The following PIEZO1 variants were observed in gnomAD, a reference collection of about 807,000 sequenced individuals.
The protein encoded by PIEZO1 is piezo type mechanosensitive ion channel component 1 (Er blood group), also known as piezo-type mechanosensitive ion channel component 1.
In PIEZO1, 296 loss-of-function variants were observed where a neutral mutation model predicts 297.2. The observed-to-expected ratio is 1.00, with a 90% CI of 0.91 to 1.10. The LOEUF is 1.10. PIEZO1 is among the 50% of genes least tolerant of loss of function. PIEZO1 has a pLI of 0.00. For synonymous variants in PIEZO1, 2,427 were observed against 1,507.5 expected, an observed-to-expected ratio of 1.61 and a Z score of -14.13; for missense variants, 5,018 against 3,455.5, an observed-to-expected ratio of 1.45 and a Z score of -11.34.
intron 5 of PIEZO1, chr16:88,741,277 C>T (rs995478943): frequency 3.8e-6 from 2 of 528,982 alleles, no homozygotes; most frequent in Non-Finnish European, 6.7e-6. Context: ...AGAGGCAGAG[C>T]CCGAGTAGAA....
Position 88,715,781 on chromosome 16 carries a change from G to A in PIEZO1, c.7390C>T (p.His2464Tyr), listed in dbSNP as rs1314330834. The A allele has an allele frequency of 2.6e-6, 4 of 1,550,374 alleles. No homozygotes were observed. Among genetic ancestry groups the A allele is most frequent in the African/African-American group, 1.4e-5 (1 of 73,180 alleles). The change falls in exon 51 of 51, where the codon CAC (histidine) becomes TAC (tyrosine). Residue 2464 changes from histidine to tyrosine, a missense_variant. Transcript: ENST00000301015. ...GGCAGCTCCTCGAACATAATGGAGT[G>A]CGAGATCTCGCTGAAGAATCCGCGC... ...FVRGFFSEIS[H>Y]SIMFEELPCV... is the part of the protein sequence containing the mutation.
intron 1 of PIEZO1, among the ~76,000 whole-genome samples, chr16:88,774,323 G>A (rs1907560172): frequency 6.6e-6 from 1 of 152,238 alleles, no homozygotes; most frequent in South Asian, 2.1e-4. Flanking sequence ...CCCGGGAGGC[G>A]GAGTTTGCGA....
intron 1 of PIEZO1, among the ~76,000 whole-genome samples, chr16:88,773,732 A>G (rs1309722994): frequency 6.6e-6 from 1 of 151,404 alleles, no homozygotes; most frequent in Non-Finnish European, 1.5e-5. Flanking sequence ...ACTGGGTGAC[A>G]GGCAGGTCGG....
chr16:88,778,127 G>A (rs1907752980), intron 1 of PIEZO1, among the ~76,000 whole-genome samples: 3 of 152,202 alleles, frequency 2.0e-5, no homozygotes, highest in Admixed American at 2.0e-4. Context: ...CCAGCACTGC[G>A]GGGGTCCAGG....
chr16:88,726,017 G>C, intron 27 of PIEZO1: 1 of 570,042 alleles, frequency 1.8e-6, no homozygotes, highest in South Asian at 2.2e-5. Flanking sequence ...GAGAAACTTA[G>C]CCCTTAGTGG....
At position 88,736,324 on chromosome 16, in the gene PIEZO1, G is replaced by T. The variant is rs776709730; in HGVS notation, c.1381C>A (p.Gln461Lys). 6.5e-7 allele frequency: 1 copy of T among 1,550,098 alleles called. No homozygotes were observed. The highest frequency in any genetic ancestry group is 8.7e-7 in the Non-Finnish European group (1 of 1,146,780). ...CLIWTVRSRH[Q>K]LAMLCSPCIL... is the part of the protein sequence containing the mutation. ...CAGGGCGAGCACAGCATGGCCAGTTGGTGGCGGCTGCGCACCGTCCAGATG... is the reference window on the plus strand; with the variant it reads ...CAGGGCGAGCACAGCATGGCCAGTTTGTGGCGGCTGCGCACCGTCCAGATG... The change falls in exon 12 of 51, where the codon CAA becomes AAA. Residue 461 changes from glutamine (Q) to lysine (K), a missense_variant. Physicochemically the swap from Gln to Lys is moderately conservative, Grantham distance 53. Coordinates refer to ENST00000301015, the MANE Select transcript of PIEZO1 (RefSeq NM_001142864.4).
chr16:88,736,770 A>G, intron 10 of PIEZO1, 31 bp from the exon 11 acceptor site: 2 of 1,396,054 alleles, frequency 1.4e-6, no homozygotes, highest in Non-Finnish European at 1.9e-6. Flanking sequence ...CAGCTTCGGC[A>G]GGTTGATCTG....
chr16:88,737,821 A>G lies in PIEZO1; in HGVS notation c.1021-7T>C, dbSNP rs1905343303. On this transcript the variant is annotated splice_polypyrimidine_tract_variant and splice_region_variant and intron_variant, in intron 8 of 50. Coordinates refer to ENST00000301015, the MANE Select transcript of PIEZO1 (RefSeq NM_001142864.4). The stretch of plus-strand genomic sequence containing the variant: ...CCTTTGCCGCCTCCTTCCTCTGCAG[A>G]GACCAGCGTCTTGAGCCCAAACCAG... The G allele has an allele frequency of 2.0e-6, 3 of 1,535,706 alleles. No homozygotes were observed. The highest frequency in any genetic ancestry group is 1.4e-5 in the African/African-American group (1 of 73,146).
chr16:88,716,936 G>A (rs772858668), intron 45 of PIEZO1, 38 bp from the exon 46 acceptor site: 1 of 1,544,948 alleles, frequency 6.5e-7, no homozygotes, highest in African/African-American at 1.4e-5. Context: ...ACGAAGATGA[G>A]CGTGGAGGAG....
At chr16:88,736,901 CG>C (rs1905259146) in intron 10 of PIEZO1, 162 bp from the exon 11 acceptor site, 1 of 513,380 alleles carries the variant, frequency 1.9e-6, no homozygotes, top group Non-Finnish European at 3.5e-6. Context: ...GGGCTGACAC[CG>C]TCCCTGAGCG....
In PIEZO1 at chr16:88,719,455, G is replaced by C. The variant is rs1199405696; in HGVS notation, c.6471+119C>G. The C allele has an allele frequency of 1.7e-5, 16 of 936,792 alleles. No homozygotes were observed. In the African/African-American group the frequency reaches 2.0e-4, roughly 12 times the overall value. 58.0% of individuals were successfully genotyped at this position (936,792 alleles called of 1,614,324 possible). A position where few individuals can be genotyped will look rare whatever the true frequency, so the allele number is the denominator to read the frequency against. ...GGGTGGGCTCGCCTCATGTCCCCAT[G>C]GGCTCCGAGCCCTGGGAGGGCCTCC... On this transcript the variant is annotated intron_variant, in intron 44 of 50. Coordinates refer to ENST00000301015, the MANE Select transcript of PIEZO1 (RefSeq NM_001142864.4).
In PIEZO1 at chr16:88,723,023, G is replaced by A. The variant is rs1450256205; in HGVS notation, c.4496-14C>T. ...CATGGCTCCGGCCTGCGGGAGGGCG[G>A]GAGGGGGCGCTGGAGGGGCAGCCTG... On this transcript the variant is annotated splice_polypyrimidine_tract_variant and intron_variant, in intron 33 of 50. Transcript: ENST00000301015. The A allele has an allele frequency of 1.9e-6, 3 of 1,543,996 alleles. No homozygotes were observed. The highest frequency in any genetic ancestry group is 2.7e-5 in the African/African-American group (2 of 73,082).
Position 88,734,664 on chromosome 16 carries a change from G to A in PIEZO1, c.1983C>T (p.Gly661=), listed in dbSNP as rs1471886811. 9 of 1,550,286 alleles carry A rather than the reference G, an allele frequency of 5.8e-6. No homozygotes were observed. The highest frequency in any genetic ancestry group is 7.8e-6 in the Non-Finnish European group (9 of 1,146,916). Reference sequence around the variant, plus strand: ...CCTGGACTCACTGCTCGTCGGTGAAGCCAGTGAGGTTGCGCCAGTAGGCAG... The same window carrying A: ...CCTGGACTCACTGCTCGTCGGTGAAACCAGTGAGGTTGCGCCAGTAGGCAG... ...DFPAYWRNLT[G]FTDEQLGDLG... is the part of the protein sequence containing the mutation. Residue 661 remains glycine, a synonymous_variant, in exon 15 of 51, where the codon GGC becomes GGT. Coordinates refer to ENST00000301015, the MANE Select transcript of PIEZO1 (RefSeq NM_001142864.4).
chr16:88,727,659 A>G lies in PIEZO1; in HGVS notation c.3199T>C (p.Tyr1067His). The G allele has an allele frequency of 6.9e-7, 1 of 1,443,762 alleles. No individual in the cohort carries two copies. The highest frequency in any genetic ancestry group is 9.3e-7 in the Non-Finnish European group (1 of 1,079,878). The allele number at this position is 1,443,762 out of a possible 1,614,324, so 89.4% of individuals were successfully genotyped here. A position where few individuals can be genotyped will look rare whatever the true frequency, so the allele number is the denominator to read the frequency against. Residue 1067 changes from tyrosine (Y) to histidine (H), a missense_variant and splice_region_variant, in exon 23 of 51, where the codon TAT becomes CAT. Transcript: ENST00000301015. ...ACGGCCCGGCTCCAGCGCCAGGGAT[A>G]ATCTGGGGGAAGGGGTGTCATGTCA... is the stretch of plus-strand genomic sequence containing the variant. ...LGMPPALCIDYPWRWSRAVPM... is the reference protein window; with the variant it reads ...LGMPPALCIDHPWRWSRAVPM...
At position 88,765,243 on chromosome 16, in the gene PIEZO1, G is replaced by A. The variant is rs554300732; in HGVS notation, c.65-15764C>T. On this transcript the variant is annotated intron_variant, in intron 1 of 50. Coordinates refer to ENST00000301015, the MANE Select transcript of PIEZO1 (RefSeq NM_001142864.4). ...TGGCCACCTCCCTCGCAGGCAGGAG[G>A]GGAGTCACCAGCCACTCGGAGGCAG... is the stretch of plus-strand genomic sequence containing the variant. Among the ~76,000 whole-genome samples, 216 of 152,326 alleles carry A rather than the reference G, an allele frequency of 1.4e-3. 2 individuals carry two copies. Among genetic ancestry groups the A allele is most frequent in the Non-Finnish European group, 2.7e-3 (184 of 68,036 alleles).
At position 88,727,064 on chromosome 16, in the gene PIEZO1, G is replaced by C. The variant is rs1026377753; in HGVS notation, c.3430C>G (p.Pro1144Ala). 3 of 1,549,346 alleles carry C rather than the reference G, an allele frequency of 1.9e-6. No homozygotes were observed. Among genetic ancestry groups the C allele is most frequent in the Non-Finnish European group, 2.6e-6 (3 of 1,146,300 alleles). ...RLEPLRGEPN[P>A]VPNFIHCRSY... ...CTGCAGTGGATAAAGTTGGGCACGG[G>C]GTTGGGCTCCCCCCGCAGCGGCTCC... Residue 1144 changes from proline (P) to alanine (A), a missense_variant, in exon 24 of 51, where the codon CCC becomes GCC. Coordinates refer to ENST00000301015, the MANE Select transcript of PIEZO1 (RefSeq NM_001142864.4).
chr16:88,742,570 G>A, intron 2 of PIEZO1, 148 bp from the exon 3 acceptor site: 1 of 796,778 alleles, frequency 1.3e-6, no homozygotes, highest in Non-Finnish European at 1.9e-6. Context: ...CCATCAGGCA[G>A]GCCGGCCAGC....
intron 5 of PIEZO1, chr16:88,741,189 C>T (rs1427391883): frequency 9.1e-5 from 27 of 297,134 alleles, no homozygotes; most frequent in South Asian, 5.9e-4. Flanking sequence ...TTTCCACCAC[C>T]GCGTGGCCCC....
In PIEZO1 at chr16:88,717,005, G is replaced by C; in HGVS notation, c.6660+18C>G. 6.5e-7 allele frequency: 1 copy of C among 1,549,696 alleles called. No homozygotes were observed. The highest frequency in any genetic ancestry group is 8.7e-7 in the Non-Finnish European group (1 of 1,146,388). On this transcript the variant is annotated intron_variant, in intron 45 of 50. Transcript: ENST00000301015. ...CCCCAGGGGATGGGAATGGACAGGC[G>C]GACCCACACATGCTCACCTCATAGC...
Sources: gnomAD v4.1 joint callset for allele counts (sites outside exome capture counted in the v4.1 genomes callset) on GRCh38, gnomAD v4.1.1 for gene constraint, MANE v1.5 for transcripts, NCBI Gene and HGNC (gene_info 2026-07-23, HGNC 2026-07-21) for gene names.